ANKRD28: variants seen among roughly 807,000 people sequenced by gnomAD.
ANKRD28 encodes serine/threonine-protein phosphatase 6 regulatory ankyrin repeat subunit A.
Under a neutral mutation model 126.5 loss-of-function variants are expected in ANKRD28, and 44 were observed. That is an observed-to-expected ratio of 0.35 (90% confidence interval 0.27 to 0.45). The LOEUF is 0.45. Ranked by LOEUF, ANKRD28 falls within the 20% of genes least tolerant of loss-of-function variation. ANKRD28 has a pLI of 1.00. For missense variants in ANKRD28, 1,110 were observed against 1,316.6 expected (o/e 0.84, Z 2.43); for synonymous variants, 442 against 468.5 (o/e 0.94, Z 0.73).
chr3:15,785,312 A>T (rs189895236), intron 2 of ANKRD28, among the ~76,000 whole-genome samples: 1 of 152,090 alleles, frequency 6.6e-6, no homozygotes, highest in South Asian at 2.1e-4. Flanking sequence ...TTTCCAAAAG[A>T]CCTATCAGAT....
intron 2 of ANKRD28, among the ~76,000 whole-genome samples, chr3:15,768,000 G>A (rs1426201251): frequency 1.3e-5 from 2 of 152,092 alleles, no homozygotes; most frequent in South Asian, 4.1e-4. Flanking sequence ...GAGCCCCTTT[G>A]ACCATGGAAA....
chr3:15,741,314 T>C (rs543759976), intron 4 of ANKRD28, among the ~76,000 whole-genome samples: 2 of 152,038 alleles, frequency 1.3e-5, no homozygotes, highest in Admixed American at 6.5e-5. Flanking sequence ...AAAGAAGAGG[T>C]GAATTTCTAG....
rs752879267 is a variant in ANKRD28, at chr3:15,766,246, G to C, written c.268C>G (p.Leu90Val). 1 of 1,610,300 alleles carries C rather than the reference G, an allele frequency of 6.2e-7. No individual in the cohort carries two copies. Among genetic ancestry groups the C allele is most frequent in the South Asian group, 1.1e-5 (1 of 90,366 alleles). Residue 90 changes from leucine (L) to valine (V), a missense_variant, in exon 3 of 28, where the codon CTT becomes GTT. Leu to Val is a conservative substitution (Grantham distance 32). Coordinates refer to ENST00000683139, the MANE Select transcript of ANKRD28 (RefSeq NM_001349278.2). ...GAGGTTACCATACCAGATAAAATAA[G>C]AAGTTCAATGATTTCTGCATCTCCA... ...YLGDAEIIEL[L>V]ILSGARVNAK...
chr3:15,842,484 A>G (rs113889444), intron 1 of ANKRD28, among the ~76,000 whole-genome samples: 2,918 of 152,230 alleles, frequency 0.019, 96 homozygotes, highest in African/African-American at 0.066. Context: ...GGGTAGAAAA[A>G]AATAGAAAGA....
At chr3:15,754,794 G>T (rs749008055) in intron 3 of ANKRD28, among the ~76,000 whole-genome samples, 5 of 152,196 alleles carry the variant, frequency 3.3e-5, no homozygotes, top group Non-Finnish European at 7.3e-5. Flanking sequence ...TACTAGGGTA[G>T]TAATGCAACT....
intron 15 of ANKRD28, 112 bp from the exon 16 acceptor site, chr3:15,695,326 G>T: frequency 1.3e-6 from 1 of 754,566 alleles, no homozygotes; most frequent in Non-Finnish European, 2.2e-6. Context: ...GCTTCCTTTG[G>T]CTCCAAAAAA....
rs1177477510 is a variant in ANKRD28 at position 15,712,112 on chromosome 3, T to C, written c.1273+28A>G. 1.0e-5 allele frequency: 16 copies of C among 1,544,442 alleles called. No homozygotes were observed. In the African/African-American group the frequency reaches 1.9e-4, roughly 18 times the overall value. ...AAATTTTGAGGGGTTTGAGGAGACA[T>C]ACAAAAGGCTGCAAAGGTTACACTT... On this transcript the variant is annotated intron_variant, in intron 11 of 27. Transcript: ENST00000683139.
intron 1 of ANKRD28, among the ~76,000 whole-genome samples, chr3:15,819,574 C>T (rs2060900902): frequency 6.6e-6 from 1 of 152,104 alleles, no homozygotes; most frequent in African/African-American, 2.4e-5. Context: ...AACCAGATGA[C>T]TTGGGATTGA....
In ANKRD28 at chr3:15,751,671, T is replaced by C. The variant is rs550694536; in HGVS notation, c.351+79A>G. On this transcript the variant is annotated intron_variant, in intron 4 of 27. Transcript: ENST00000683139. ...GTAGCTTTTCCTTCTTTTGAAAACATAGAATTTGAATATGGATTCAGGGGT... is the reference window on the plus strand; with the variant it reads ...GTAGCTTTTCCTTCTTTTGAAAACACAGAATTTGAATATGGATTCAGGGGT... 7.8e-4 allele frequency: 757 copies of C among 967,590 alleles called. 10 individuals are homozygous for C. In the South Asian group the frequency reaches 9.7e-3, roughly 12 times the overall value. 59.9% of individuals were successfully genotyped at this position (967,590 alleles called of 1,614,324 possible). A position where few individuals can be genotyped will look rare whatever the true frequency, so the allele number is the denominator to read the frequency against.
intron 1 of ANKRD28, among the ~76,000 whole-genome samples, chr3:15,850,674 G>C (rs1054674985): frequency 6.6e-6 from 1 of 152,060 alleles, no homozygotes; most frequent in African/African-American, 2.4e-5. Context: ...CCCCAGAGAG[G>C]GCATGGAAGC....
intron 21 of ANKRD28, chr3:15,684,024 G>C (rs1360019269): frequency 6.6e-6 from 1 of 152,136 alleles, no homozygotes; most frequent in African/African-American, 2.4e-5. Flanking sequence ...CAGCTTTGTA[G>C]ATCTGCTGTC....
Position 15,675,918 on chromosome 3 carries a change from A to T in ANKRD28, c.2945T>A (p.Val982Glu). The change falls in exon 27 of 28, where the codon GTG becomes GAG. Residue 982 changes from valine (V) to glutamate (E), a missense_variant. Coordinates refer to ENST00000683139, the MANE Select transcript of ANKRD28 (RefSeq NM_001349278.2). ...VQELLGKGASVLAVDENGYTP... is the reference protein window; with the variant it reads ...VQELLGKGASELAVDENGYTP... ...CTTACCATTTTCATCTACTGCAAGCACACTTGCTCCTTTTCCCAAAAGTTC... is the reference window on the plus strand; with the variant it reads ...CTTACCATTTTCATCTACTGCAAGCTCACTTGCTCCTTTTCCCAAAAGTTC... 6.2e-7 allele frequency: 1 copy of T among 1,611,632 alleles called. No homozygotes were observed. Among genetic ancestry groups the T allele is most frequent in the Non-Finnish European group, 8.5e-7 (1 of 1,178,286 alleles).
intron 1 of ANKRD28, among the ~76,000 whole-genome samples, chr3:15,810,842 A>T (rs1575749940): frequency 6.6e-6 from 1 of 152,158 alleles, no homozygotes; most frequent in East Asian, 1.9e-4. Context: ...TTAAGACCAC[A>T]ACTTGAACAC....
At chr3:15,739,970 A>C (rs981041291) in intron 4 of ANKRD28, among the ~76,000 whole-genome samples, 6 of 152,254 alleles carry the variant, frequency 3.9e-5, no homozygotes, top group Non-Finnish European at 5.9e-5. Flanking sequence ...TGCTCATAGC[A>C]GTTTTATTCC....
chr3:15,847,417 G>A (rs1252898510), intron 1 of ANKRD28, among the ~76,000 whole-genome samples: 1 of 152,138 alleles, frequency 6.6e-6, no homozygotes, highest in Admixed American at 6.5e-5. Context: ...GCTGGGCCAT[G>A]AGCTTTTTCT....
chr3:15,732,111 T>A (rs944318300), intron 6 of ANKRD28: 1 of 152,006 alleles, frequency 6.6e-6, no homozygotes, highest in Admixed American at 6.6e-5. Flanking sequence ...AGCAGGACCC[T>A]GTTTAGGGTG....
In ANKRD28 at chr3:15,675,970, G is replaced by A; in HGVS notation, c.2893C>T (p.Arg965Ter). The A allele has an allele frequency of 6.2e-7, 1 of 1,612,446 alleles. No homozygotes were observed. ...ALQTPLHVAA[R>*]NGLTMVVQEL... ...TGAACCACCATTGTTAGCCCATTTC[G>A]GGCAGCAACATGCAGAGGTCTAGGG... The change falls in exon 27 of 28, where the codon CGA (arginine) becomes TGA (stop). Residue 965 changes from arginine (R) to a stop codon, truncating the protein, a stop_gained. Transcript: ENST00000683139. LOFTEE classifies it high-confidence loss of function.
upstream of ANKRD28, among the ~76,000 whole-genome samples, chr3:15,799,533 A>G (rs1206790006): frequency 6.6e-6 from 1 of 152,128 alleles, no homozygotes; most frequent in Admixed American, 6.6e-5. Context: ...TATTGAACAT[A>G]CATCAATTAT....
At chr3:15,749,101 G>GTTTTTTTTTTTT (rs869266246) in intron 4 of ANKRD28, among the ~76,000 whole-genome samples, 7 of 53,078 alleles carry the variant, frequency 1.3e-4, no homozygotes, top group East Asian at 6.6e-4. Flanking sequence ...TTATGTTTTT[G>GTTTTTTTTTTTT]TTTTTTTTTT....
Sources: gnomAD v4.1 joint callset for allele counts (sites outside exome capture counted in the v4.1 genomes callset) on GRCh38, gnomAD v4.1.1 for gene constraint, MANE v1.5 for transcripts, NCBI Gene and HGNC (gene_info 2026-07-23, HGNC 2026-07-21) for gene names.